The following ABI2 variants were observed in gnomAD, a reference collection of about 807,000 sequenced individuals.
ABI2 encodes abelson interactor 2.
Under a neutral mutation model 59.2 loss-of-function variants are expected in ABI2, and 25 were observed. The ratio of observed to expected loss-of-function variants is 0.42; its 90% confidence interval spans 0.31 to 0.59. The LOEUF is 0.59. Ranked by LOEUF, ABI2 falls within the 20% of genes least tolerant of loss-of-function variation. The probability of loss-of-function intolerance (pLI) is 0.14; values close to 1 mark genes in which losing one functional copy is unlikely to be tolerated. For missense variants in ABI2, 545 were observed against 681.8 expected (o/e 0.80, Z 2.23); for synonymous variants, 213 against 235.5 (o/e 0.90, Z 0.87).
chr2:203,350,044 T>C lies in ABI2; in HGVS notation c.118-16833T>C, dbSNP rs150408753. Among the ~76,000 whole-genome samples, 19 of 152,280 alleles carry C rather than the reference T, an allele frequency of 1.2e-4. No individual in the cohort carries two copies. The East Asian group carries it at 3.7e-3, about 29-fold the overall frequency. On this transcript the variant is annotated intron_variant, in intron 1 of 11. Transcript: ENST00000261018. Reference sequence around the variant, plus strand: ...GTGTGAGCGTTCCAGTTTCTCCACATTGTTGTCAGCATTTGTGGACTGTCT... The same window carrying C: ...GTGTGAGCGTTCCAGTTTCTCCACACTGTTGTCAGCATTTGTGGACTGTCT...
At position 203,385,147 on chromosome 2, in the gene ABI2, T is replaced by TTTTTTTTTTTTTTTTTTTTTC. The variant is rs2096433605; in HGVS notation, c.480+2946_480+2947insTTTTTTTTTTTTTTTCTTTTT. Among the ~76,000 whole-genome samples, 2 of 62,126 alleles carry TTTTTTTTTTTTTTTTTTTTTC rather than the reference T, an allele frequency of 3.2e-5. 1 individual carries two copies. 40.8% of individuals were successfully genotyped at this position (62,126 alleles called of 152,430 possible). On this transcript the variant is annotated intron_variant, in intron 4 of 11. Coordinates refer to ENST00000261018, the MANE Select transcript of ABI2 (RefSeq NM_001375670.1). ...CGCACCCGGCTCAGATTCTTTTTTTTTTTTTGAGACAGTCTTGCCGTTGCC... is the reference window on the plus strand; with the variant it reads ...CGCACCCGGCTCAGATTCTTTTTTTTTTTTTTTTTTTTTTTTTTTTCTTTTTGAGACAGTCTTGCCGTTGCC...
chr2:203,345,622 T>TGGTC (rs1172024843), intron 1 of ABI2, among the ~76,000 whole-genome samples: 1 of 152,034 alleles, frequency 6.6e-6, no homozygotes, highest in Non-Finnish European at 1.5e-5. Context: ...TTGGCCAGTC[T>TGGTC]GGTCTCGAAC....
rs541854693 is a variant in ABI2, at chr2:203,353,164, A to T, written c.118-13713A>T. The stretch of plus-strand genomic sequence containing the variant: ...TTCTAAATTTATTCCTAAATATTTT[A>T]TTCTTTTTCTGTTGTGAATGGAATT... On this transcript the variant is annotated intron_variant, in intron 1 of 11. Coordinates refer to ENST00000261018, the MANE Select transcript of ABI2 (RefSeq NM_001375670.1). Among the ~76,000 whole-genome samples the T allele has an allele frequency of 2.0e-5, 3 of 152,308 alleles. No homozygotes were observed. The East Asian group carries it at 5.8e-4, about 29-fold the overall frequency.
At chr2:203,348,977 G>A (rs1221403124) in intron 1 of ABI2, among the ~76,000 whole-genome samples, 1 of 152,026 alleles carries the variant, frequency 6.6e-6, no homozygotes, top group East Asian at 1.9e-4. Context: ...CCATTGTCTA[G>A]GCTGGAGTGC....
intron 11 of ABI2, among the ~76,000 whole-genome samples, 158 bp from the exon 12 acceptor site, chr2:203,427,015 ATTAC>A (rs765306380): frequency 1.3e-5 from 2 of 151,924 alleles, no homozygotes; most frequent in African/African-American, 2.4e-5. Context: ...ATGACTGGGT[ATTAC>A]TTAGAAAAAA....
intron 8 of ABI2, 96 bp downstream of exon 8, chr2:203,397,063 C>G (rs934829176): frequency 4.7e-6 from 6 of 1,273,844 alleles, no homozygotes; most frequent in Non-Finnish European, 4.9e-6. Flanking sequence ...TTTTGTTGTA[C>G]TTCGTATTAA....
chr2:203,364,995 A>G (rs1444050705), intron 1 of ABI2, among the ~76,000 whole-genome samples: 1 of 152,004 alleles, frequency 6.6e-6, no homozygotes, highest in African/African-American at 2.4e-5. Flanking sequence ...CAGCCTCCTA[A>G]CGTTGTGGAA....
intron 9 of ABI2, 82 bp from the exon 10 acceptor site, chr2:203,411,203 T>A: frequency 9.5e-7 from 1 of 1,053,704 alleles, no homozygotes; most frequent in Admixed American, 1.8e-5. Flanking sequence ...CTCCTTTATG[T>A]GTTTATTTTA....
chr2:203,389,236 A>G (rs1339718784), intron 4 of ABI2, among the ~76,000 whole-genome samples: 1 of 152,194 alleles, frequency 6.6e-6, no homozygotes, highest in Non-Finnish European at 1.5e-5. Flanking sequence ...GGATAAGTTA[A>G]TCTTTACTCT....
chr2:203,420,940 A>G, intron 11 of ABI2, among the ~76,000 whole-genome samples: 1 of 103,274 alleles, frequency 9.7e-6, no homozygotes, highest in African/African-American at 3.8e-5. Context: ...TTTGGGGCAG[A>G]GCAGTGTCCA....
intron 10 of ABI2, among the ~76,000 whole-genome samples, chr2:203,416,293 A>ATT (rs554386836): frequency 1.4e-5 from 2 of 147,110 alleles, no homozygotes; most frequent in Non-Finnish European, 3.0e-5. Flanking sequence ...TTTATTGTTT[A>ATT]TTTTTTTTTT....
At chr2:203,417,479 G>A (rs180884897) in intron 11 of ABI2, among the ~76,000 whole-genome samples, 237 of 152,280 alleles carry the variant, frequency 1.6e-3, no homozygotes, top group Middle Eastern at 6.8e-3. Context: ...TTCTTCCACA[G>A]AATAATGGTT....
chr2:203,357,626 A>G (rs571920441), intron 1 of ABI2, among the ~76,000 whole-genome samples: 1 of 152,376 alleles, frequency 6.6e-6, no homozygotes, highest in South Asian at 2.1e-4. Flanking sequence ...GGCAGATGAT[A>G]TAACATATTT....
At chr2:203,367,682 C>T (rs114730615) in intron 2 of ABI2, among the ~76,000 whole-genome samples, 236 of 152,168 alleles carry the variant, frequency 1.6e-3, no homozygotes, top group African/African-American at 5.0e-3. Context: ...GGTATATCTC[C>T]TTGTAATCCT....
chr2:203,358,097 GTGTGTGTGTGTGTGTGTTTGTT>G (rs1236921027), intron 1 of ABI2, among the ~76,000 whole-genome samples: 3 of 145,860 alleles, frequency 2.1e-5, no homozygotes, highest in South Asian at 4.3e-4. Context: ...GTGTGTGTGT[GTGTGTGTGTGTGTGTGTTTGTT>G]TGTTTGTTTG....
At chr2:203,395,596 G>A in intron 6 of ABI2, 60 bp from the exon 7 acceptor site, 2 of 1,529,176 alleles carry the variant, frequency 1.3e-6, no homozygotes. Flanking sequence ...ATGTCGGGAA[G>A]TGCTGATGAT....
At chr2:203,372,344 G>A (rs898820000) in intron 2 of ABI2, among the ~76,000 whole-genome samples, 4 of 152,148 alleles carry the variant, frequency 2.6e-5, no homozygotes, top group African/African-American at 9.7e-5. Context: ...ACACAGACAC[G>A]GCAACCATCC....
chr2:203,379,886 C>A (rs1419582045), intron 2 of ABI2, among the ~76,000 whole-genome samples: 2 of 152,058 alleles, frequency 1.3e-5, no homozygotes, highest in Non-Finnish European at 2.9e-5. Context: ...TATGGAAAAG[C>A]AAATTTGAAT....
Position 203,395,448 on chromosome 2 carries a change from T to TATATACACACACACAC in ABI2, c.726-207_726-206insTATACACACACACACA, listed in dbSNP as rs750379504. ...TAATAAGTAAATATATATATATATATACACACACACACACACACACACACA... is the reference window on the plus strand; with the variant it reads ...TAATAAGTAAATATATATATATATATATATACACACACACACACACACACACACACACACACACACA... On this transcript the variant is annotated intron_variant, in intron 6 of 11. Coordinates refer to ENST00000261018, the MANE Select transcript of ABI2 (RefSeq NM_001375670.1). Among the ~76,000 whole-genome samples, 690 of 115,280 alleles carry TATATACACACACACAC rather than the reference T, an allele frequency of 6.0e-3. 2 individuals are homozygous for TATATACACACACACAC. The highest frequency in any genetic ancestry group is 6.9e-3 in the Non-Finnish European group (389 of 56,546). The allele number at this position is 115,280 out of a possible 152,430, so 75.6% of individuals were successfully genotyped here.
Sources: gnomAD v4.1 joint callset for allele counts (sites outside exome capture counted in the v4.1 genomes callset) on GRCh38, gnomAD v4.1.1 for gene constraint, MANE v1.5 for transcripts, NCBI Gene and HGNC (gene_info 2026-07-23, HGNC 2026-07-21) for gene names.